The following SH3KBP1 variants were observed in gnomAD, a reference collection of about 807,000 sequenced individuals.
The protein encoded by SH3KBP1 is SH3 domain-containing kinase-binding protein 1.
Under a neutral mutation model 50.1 loss-of-function variants are expected in SH3KBP1, and 8 were observed. The observed-to-expected ratio is 0.16, with a 90% confidence interval of 0.09 to 0.29. The LOEUF (loss-of-function observed/expected upper bound fraction) is 0.29, where lower values mean the gene tolerates loss of function less well. Among genes scored for constraint, SH3KBP1 ranks in the 10% least tolerant of loss-of-function variants. SH3KBP1 has a pLI of 1.00. For synonymous variants in SH3KBP1, 227 were observed against 218.6 expected (o/e 1.04, Z -0.34); for missense variants, 377 against 535.2 (o/e 0.70, Z 2.92).
At chrX:19,632,062 A>G in intron 7 of SH3KBP1, 104 bp from the exon 8 acceptor site, 1 of 450,605 alleles carries the variant, frequency 2.2e-6, no homozygotes, top group Non-Finnish European at 3.7e-6. Flanking sequence ...AGGCACACTT[A>G]ACAGGTAGCA....
intron 6 of SH3KBP1, among the ~76,000 whole-genome samples, chrX:19,664,190 G>A (rs966437411): frequency 9.0e-6 from 1 of 111,578 alleles, no homozygotes; most frequent in Non-Finnish European, 1.9e-5. Flanking sequence ...CATGGACTCC[G>A]TTTACTTGTC....
chrX:19,660,147 T>G (rs1156907215), intron 6 of SH3KBP1, among the ~76,000 whole-genome samples: 1 of 112,513 alleles, frequency 8.9e-6, no homozygotes, highest in Non-Finnish European at 1.9e-5. Context: ...TTAAGAAGAC[T>G]TACAGTTATG....
intron 13 of SH3KBP1, 139 bp from the exon 14 acceptor site, chrX:19,550,222 C>T: frequency 4.3e-6 from 2 of 462,085 alleles, no homozygotes; most frequent in South Asian, 6.8e-5. Flanking sequence ...TGTTTACGTC[C>T]TTTGGTCATT....
rs1374149899 is a variant in SH3KBP1, at chrX:19,887,387, T to C, written c.-77A>G. The C allele has an allele frequency of 2.3e-6, 2 of 851,831 alleles. No individual in the cohort carries two copies. Among genetic ancestry groups the C allele is most frequent in the East Asian group, 4.5e-5 (1 of 22,263 alleles). 70.2% of individuals were successfully genotyped at this position (851,831 alleles called of 1,213,427 possible). On this transcript the variant is annotated 5_prime_UTR_variant, in exon 1 of 18. Coordinates refer to ENST00000397821, the MANE Select transcript of SH3KBP1 (RefSeq NM_031892.3). ...GGGCGTGGGGGTTGGGGCGCCGGGA[T>C]CGGGGCGCTGGGATCCAGGCGCGAG...
intron 6 of SH3KBP1, among the ~76,000 whole-genome samples, chrX:19,657,330 C>T (rs1180912947): frequency 9.5e-6 from 1 of 105,685 alleles, no homozygotes; most frequent in Non-Finnish European, 1.9e-5. Context: ...CAGTGAGCCC[C>T]GATCGTGCCA....
chrX:19,650,102 G>A (rs1042515835), intron 6 of SH3KBP1, among the ~76,000 whole-genome samples: 18 of 111,832 alleles, frequency 1.6e-4, no homozygotes, highest in African/African-American at 5.9e-4. Flanking sequence ...GGAGCAGAGA[G>A]AGAGAGAGCT....
At chrX:19,678,825 C>G (rs1351547774) in intron 6 of SH3KBP1, among the ~76,000 whole-genome samples, 1 of 111,265 alleles carries the variant, frequency 9.0e-6, no homozygotes, top group East Asian at 2.8e-4. Context: ...CGCTAAACCA[C>G]CTATCTGATC....
rs766609284 is a variant in SH3KBP1, at chrX:19,821,162, G to A, written c.162+14963C>T. Reference sequence around the variant, plus strand: ...TCCCAGCACTTTGGGAGGCCAAGGCGGGTGGATTACCTGATGCCAGGAGTT... The same window carrying A: ...TCCCAGCACTTTGGGAGGCCAAGGCAGGTGGATTACCTGATGCCAGGAGTT... On this transcript the variant is annotated intron_variant, in intron 2 of 17. Coordinates refer to ENST00000397821, the MANE Select transcript of SH3KBP1 (RefSeq NM_031892.3). Among the ~76,000 whole-genome samples, 5 of 112,046 alleles carry A rather than the reference G, an allele frequency of 4.5e-5. No individual in the cohort carries two copies. The South Asian group carries it at 1.1e-3, about 25-fold the overall frequency.
At chrX:19,784,911 G>A (rs1262954756) in intron 2 of SH3KBP1, among the ~76,000 whole-genome samples, 1 of 111,274 alleles carries the variant, frequency 9.0e-6, no homozygotes, top group Non-Finnish European at 1.9e-5. Context: ...GCCCAGCCTG[G>A]GATTTTCAGG....
intron 13 of SH3KBP1, among the ~76,000 whole-genome samples, chrX:19,563,751 G>GT (rs1207724715): frequency 8.9e-6 from 1 of 111,967 alleles, no homozygotes; most frequent in African/African-American, 3.2e-5. Context: ...AGTAGCAACC[G>GT]TATCTCCTGT....
chrX:19,876,559 G>A (rs748532303), intron 1 of SH3KBP1, among the ~76,000 whole-genome samples: 1 of 111,056 alleles, frequency 9.0e-6, no homozygotes, highest in Non-Finnish European at 1.9e-5. Flanking sequence ...ACATCTCCGG[G>A]GGGGAGAAAA....
chrX:19,814,265 A>C (rs2067291372), intron 2 of SH3KBP1, among the ~76,000 whole-genome samples: 1 of 110,864 alleles, frequency 9.0e-6, no homozygotes, highest in Non-Finnish European at 1.9e-5. Context: ...TCTCCCCTGT[A>C]TTCCTGCAAA....
intron 1 of SH3KBP1, among the ~76,000 whole-genome samples, chrX:19,880,304 C>T (rs1177096572): frequency 8.9e-6 from 1 of 112,489 alleles, no homozygotes; most frequent in East Asian, 2.8e-4. Context: ...GGTCCATAGT[C>T]GTGGAGAATT....
chrX:19,711,736 G>A (rs959931398), intron 3 of SH3KBP1, among the ~76,000 whole-genome samples: 2 of 110,908 alleles, frequency 1.8e-5, no homozygotes, highest in Non-Finnish European at 1.9e-5. Flanking sequence ...TGGGGAACGT[G>A]GCAGTATTCT....
intron 3 of SH3KBP1, among the ~76,000 whole-genome samples, chrX:19,709,053 A>C (rs1019637646): frequency 1.8e-5 from 2 of 112,359 alleles, no homozygotes; most frequent in Non-Finnish European, 3.8e-5. Context: ...ATTCTTAGAG[A>C]AAAGACTAAC....
chrX:19,599,571 C>T (rs912432145), intron 9 of SH3KBP1, among the ~76,000 whole-genome samples: 1 of 112,194 alleles, frequency 8.9e-6, no homozygotes, highest in East Asian at 2.8e-4. Flanking sequence ...CTTGCATCTA[C>T]CACTCTTGAT....
intron 2 of SH3KBP1, among the ~76,000 whole-genome samples, chrX:19,749,005 A>G (rs988271725): frequency 4.4e-5 from 5 of 112,599 alleles, no homozygotes; most frequent in Admixed American, 9.4e-5. Flanking sequence ...CGTTTCTCCA[A>G]AGAAAACATA....
chrX:19,674,227 C>T (rs985058205), intron 6 of SH3KBP1, among the ~76,000 whole-genome samples: 1 of 111,191 alleles, frequency 9.0e-6, no homozygotes, highest in Non-Finnish European at 1.9e-5. Flanking sequence ...AACTCCATTC[C>T]GATGAACCAC....
chrX:19,874,670 G>A (rs1200386173), intron 1 of SH3KBP1, among the ~76,000 whole-genome samples: 6 of 103,763 alleles, frequency 5.8e-5, no homozygotes, highest in African/African-American at 2.1e-4. Context: ...AACACAGAGG[G>A]GCTGAGAGGA....
Sources: allele counts gnomAD v4.1 joint callset (sites outside exome capture counted in the v4.1 genomes callset), GRCh38; gene constraint gnomAD v4.1.1; transcripts MANE v1.5; gene names NCBI Gene and HGNC (gene_info 2026-07-23, HGNC 2026-07-21).